Variants in FBXO38 observed in about 807,000 individuals in gnomAD.
The protein encoded by FBXO38 is F-box only protein 38.
Under a neutral mutation model 131.9 loss-of-function variants are expected in FBXO38, and 53 were observed. The ratio of observed to expected loss-of-function variants is 0.40; its 90% confidence interval spans 0.32 to 0.51. The LOEUF is 0.51. Among genes scored for constraint, FBXO38 ranks in the 20% least tolerant of loss-of-function variants. The pLI is 0.53. For synonymous variants in FBXO38, 452 were observed against 505.6 expected, an observed-to-expected ratio of 0.89 and a Z score of 1.42; for missense variants, 1,076 against 1,475.6, an observed-to-expected ratio of 0.73 and a Z score of 4.44.
At chr5:148,423,902 G>A (rs530904137) in intron 12 of FBXO38, 96 bp from the exon 13 acceptor site, 19 of 1,090,138 alleles carry the variant, frequency 1.7e-5, no homozygotes, top group East Asian at 7.7e-5. Context: ...AGTAATCAGC[G>A]GGACTGTTCA....
intron 1 of FBXO38, among the ~76,000 whole-genome samples, chr5:148,388,839 G>A (rs1048810779): frequency 2.6e-5 from 4 of 152,168 alleles, no homozygotes; most frequent in Non-Finnish European, 5.9e-5. Flanking sequence ...ATTTTCTCAA[G>A]AACTTTTTAT....
At chr5:148,429,728 G>GT (rs1179418914) in intron 15 of FBXO38, among the ~76,000 whole-genome samples, 1 of 151,950 alleles carries the variant, frequency 6.6e-6, no homozygotes, top group Non-Finnish European at 1.5e-5. Context: ...AAATTTTACC[G>GT]TTTTTTGTTG....
intron 8 of FBXO38, 39 bp from the exon 9 acceptor site, chr5:148,410,596 T>C: frequency 1.2e-6 from 2 of 1,608,746 alleles, no homozygotes; most frequent in Non-Finnish European, 1.7e-6. Context: ...TCTGATGGTT[T>C]TTGTTTTACT....
chr5:148,387,269 A>G (rs1757961661), intron 1 of FBXO38, among the ~76,000 whole-genome samples: 2 of 152,216 alleles, frequency 1.3e-5, no homozygotes, highest in Admixed American at 1.3e-4. Context: ...CACCAGAAGT[A>G]GATTTCATCT....
At position 148,440,466 on chromosome 5, in the gene FBXO38, T is replaced by C. The variant is rs1380527965; in HGVS notation, c.3213T>C (p.Ser1071=). The C allele has an allele frequency of 1.9e-6, 3 of 1,612,790 alleles. No individual in the cohort carries two copies. In the African/African-American group the frequency reaches 4.0e-5, roughly 22 times the overall value. ...AATTCTTCCCTGAAGCCACTCGAAG[T>C]GAAGAAGACTTAAAGAAATACCCCA... ...KYEFFPEATR[S]EEDLKKYPKY... The change falls in exon 20 of 22, where the codon AGT becomes AGC. Residue 1071 remains serine (S), a synonymous_variant. Transcript: ENST00000340253.
chr5:148,394,756 G>T lies in FBXO38; in HGVS notation c.-21G>T. On this transcript the variant is annotated 5_prime_UTR_variant, in exon 2 of 22. Transcript: ENST00000340253. The stretch of plus-strand genomic sequence containing the variant: ...AAACAAAAGGGAAGATTTTCTCGTT[G>T]ATACTGGAGACTGCACAACAATGGG... 1 of 1,484,202 alleles carries T rather than the reference G, an allele frequency of 6.7e-7. No individual in the cohort carries two copies. Among genetic ancestry groups the T allele is most frequent in the South Asian group, 1.4e-5 (1 of 71,264 alleles). The allele number at this position is 1,484,202 out of a possible 1,614,324, so 91.9% of individuals were successfully genotyped here. A position where few individuals can be genotyped will look rare whatever the true frequency, so the allele number is the denominator to read the frequency against.
intron 2 of FBXO38, 96 bp downstream of exon 2, chr5:148,395,000 C>T: frequency 3.4e-6 from 4 of 1,180,952 alleles, no homozygotes; most frequent in Non-Finnish European, 3.4e-6. Flanking sequence ...CTACATGCAG[C>T]ATTTACATTT....
chr5:148,400,321 G>T (rs1752074321), intron 3 of FBXO38, among the ~76,000 whole-genome samples: 1 of 152,058 alleles, frequency 6.6e-6, no homozygotes, highest in South Asian at 2.1e-4. Context: ...CCTTATATTA[G>T]ATTTACTTTT....
chr5:148,429,328 G>A (rs1753899421), intron 15 of FBXO38, among the ~76,000 whole-genome samples: 1 of 143,256 alleles, frequency 7.0e-6, no homozygotes. Flanking sequence ...ATATGTGGGA[G>A]CTAATTTTTT....
intron 2 of FBXO38, among the ~76,000 whole-genome samples, chr5:148,395,321 C>G (rs1393150997): frequency 6.6e-6 from 1 of 152,168 alleles, no homozygotes; most frequent in Non-Finnish European, 1.5e-5. Flanking sequence ...CAGTGAGAAA[C>G]ATAACATGTA....
chr5:148,412,199 C>A (rs1039235509), intron 9 of FBXO38, among the ~76,000 whole-genome samples: 12 of 152,138 alleles, frequency 7.9e-5, no homozygotes, highest in African/African-American at 2.9e-4. Context: ...TTTGTACATT[C>A]ATTTTCTTAT....
intron 19 of FBXO38, 42 bp downstream of exon 19, chr5:148,439,834 C>T: frequency 1.3e-6 from 2 of 1,596,354 alleles, no homozygotes; most frequent in Non-Finnish European, 1.7e-6. Context: ...TGAGTCATTT[C>T]TCATAGCAGG....
chr5:148,410,945 T>C (rs867323695), intron 9 of FBXO38, 180 bp downstream of exon 9: 3 of 566,114 alleles, frequency 5.3e-6, no homozygotes, highest in South Asian at 5.1e-5. Flanking sequence ...TTTTTCCATA[T>C]TGCCTCTGAT....
intron 7 of FBXO38, among the ~76,000 whole-genome samples, chr5:148,407,762 A>G (rs905087237): frequency 1.3e-5 from 2 of 152,026 alleles, no homozygotes; most frequent in Non-Finnish European, 2.9e-5. Flanking sequence ...GTCTCTACTT[A>G]AAAATACAAA....
intron 12 of FBXO38, among the ~76,000 whole-genome samples, chr5:148,422,161 A>C (rs1753479382): frequency 6.6e-6 from 1 of 152,182 alleles, no homozygotes; most frequent in East Asian, 1.9e-4. Context: ...CAAACCAAAC[A>C]ATATTGATAC....
intron 14 of FBXO38, among the ~76,000 whole-genome samples, 181 bp downstream of exon 14, chr5:148,425,882 C>G (rs1027414715): frequency 6.6e-6 from 1 of 152,086 alleles, no homozygotes; most frequent in Admixed American, 6.6e-5. Flanking sequence ...TACAACACAA[C>G]AGTGTTGTGG....
At chr5:148,400,948 A>T (rs953886487) in intron 3 of FBXO38, among the ~76,000 whole-genome samples, 4 of 152,178 alleles carry the variant, frequency 2.6e-5, no homozygotes, top group African/African-American at 9.7e-5. Context: ...ACTATACAAG[A>T]AAGTAATAAG....
rs1227518911 is a variant in FBXO38 at position 148,438,360 on chromosome 5, A to G, written c.2886A>G (p.Leu962=). ...HATRCRVLKH[L]KVENAPIVNR... The stretch of plus-strand genomic sequence containing the variant: ...CCAGGTGCAGGGTACTAAAACATTT[A>G]AAGGTAGAAAATGCACCAATTGTAA... Residue 962 remains leucine, a synonymous_variant, in exon 18 of 22, where the codon TTA becomes TTG. Transcript: ENST00000340253. 1 of 1,613,986 alleles carries G rather than the reference A, an allele frequency of 6.2e-7. No homozygotes were observed.
chr5:148,398,499 G>A (rs911952363), intron 2 of FBXO38, among the ~76,000 whole-genome samples: 2 of 151,714 alleles, frequency 1.3e-5, no homozygotes, highest in Non-Finnish European at 2.9e-5. Context: ...ATACATATTT[G>A]TTGATGGAGA....
Sources: allele counts gnomAD v4.1 joint callset (sites outside exome capture counted in the v4.1 genomes callset), GRCh38; gene constraint gnomAD v4.1.1; transcripts MANE v1.5; gene names NCBI Gene and HGNC (gene_info 2026-07-23, HGNC 2026-07-21).